The following ANKRD11 variants were observed in gnomAD, a reference collection of about 807,000 sequenced individuals.
ANKRD11 encodes the protein ankyrin repeat domain-containing protein 11.
ANKRD11 carries 17 observed loss-of-function variants against 195.7 expected under a neutral mutation model. The observed-to-expected ratio is 0.09, with a 90% CI of 0.06 to 0.13. ANKRD11 has a LOEUF of 0.13. Among genes scored for constraint, ANKRD11 ranks in the 10% least tolerant of loss-of-function variants. The probability of loss-of-function intolerance (pLI) is 1.00; values close to 1 mark genes in which losing one functional copy is unlikely to be tolerated. For synonymous variants in ANKRD11, 1,953 were observed against 1,528.1 expected, an observed-to-expected ratio of 1.28 and a Z score of -6.49; for missense variants, 3,735 against 3,566.1, an observed-to-expected ratio of 1.05 and a Z score of -1.21.
chr16:89,273,695 C>CAA (rs370480077), intron 11 of ANKRD11, among the ~76,000 whole-genome samples: 1 of 133,366 alleles, frequency 7.5e-6, no homozygotes, highest in African/African-American at 2.7e-5. Context: ...GACTCCGTCA[C>CAA]AAAAAAAAAA....
chr16:89,286,482 C>T (rs754711291), intron 7 of ANKRD11: 31 of 533,322 alleles, frequency 5.8e-5, no homozygotes, highest in Middle Eastern at 5.8e-4. Context: ...ACCATTTCTC[C>T]GTTGCCGCAA....
At chr16:89,487,627 A>T (rs1196074120) in intron 1 of ANKRD11, among the ~76,000 whole-genome samples, 1 of 152,062 alleles carries the variant, frequency 6.6e-6, no homozygotes, top group Non-Finnish European at 1.5e-5. Flanking sequence ...TACAAAAATT[A>T]GCCAGGCGTG....
Position 89,281,461 on chromosome 16 carries a change from C to A in ANKRD11, c.5081G>T (p.Arg1694Met). ...HMKEVLPASP[R>M]PDQSRPTGVP... ...GCCAGTGGGCCGGCTCTGGTCAGGC[C>A]TGGGGGACGCAGGCAGGACCTCTTT... The change falls in exon 9 of 13, where the codon AGG becomes ATG. Residue 1694 changes from arginine (R) to methionine (M), a missense_variant. Coordinates refer to ENST00000301030, the MANE Select transcript of ANKRD11 (RefSeq NM_013275.6). This position sits in a 1 kb window ranked among gnomAD's most constrained non-coding sequence, Gnocchi z 5.5. The A allele has an allele frequency of 1.2e-6, 2 of 1,614,152 alleles. No individual in the cohort carries two copies. Among genetic ancestry groups the A allele is most frequent in the Non-Finnish European group, 1.7e-6 (2 of 1,179,998 alleles).
At chr16:89,319,864 A>T (rs2037198097) in intron 2 of ANKRD11, 1 of 152,580 alleles carries the variant, frequency 6.6e-6, no homozygotes, top group African/African-American at 2.4e-5. Context: ...GTTCTGTTCC[A>T]AGACTTGCCA....
intron 2 of ANKRD11, among the ~76,000 whole-genome samples, chr16:89,335,183 G>T (rs2038284455): frequency 6.6e-6 from 1 of 152,202 alleles, no homozygotes; most frequent in Middle Eastern, 3.2e-3. Flanking sequence ...CAGGAAGTGA[G>T]CTCAGTGCGT....
At chr16:89,314,598 G>A (rs1455835575) in intron 3 of ANKRD11, among the ~76,000 whole-genome samples, 1 of 152,098 alleles carries the variant, frequency 6.6e-6, no homozygotes, top group Non-Finnish European at 1.5e-5. Flanking sequence ...CACTGACACA[G>A]GGCTCCACCA....
intron 1 of ANKRD11, among the ~76,000 whole-genome samples, chr16:89,441,924 C>G (rs1010738917): frequency 1.3e-5 from 2 of 152,158 alleles, no homozygotes; most frequent in African/African-American, 2.4e-5. Flanking sequence ...CCCCCATCAT[C>G]CATGCAAAGA....
rs2034161624 is a variant in ANKRD11, at chr16:89,280,836, G to A, written c.5706C>T (p.Ser1902=). 6.2e-7 allele frequency: 1 copy of A among 1,601,360 alleles called. No homozygotes were observed. The highest frequency in any genetic ancestry group is 8.5e-7 in the Non-Finnish European group (1 of 1,170,402). The change falls in exon 9 of 13, where the codon TCC becomes TCT. Residue 1902 remains serine (S), a synonymous_variant. Transcript: ENST00000301030. ...PSPRAELLVP[S]LEGALPPDLD... Reference sequence around the variant, plus strand: ...GGTCCGGGGGAAGGGCCCCTTCGAGGGAAGGAACCAGCAGCTCGGCTCTGG... The same window carrying A: ...GGTCCGGGGGAAGGGCCCCTTCGAGAGAAGGAACCAGCAGCTCGGCTCTGG...
chr16:89,483,725 A>T (rs554530574), intron 1 of ANKRD11, among the ~76,000 whole-genome samples: 4 of 152,122 alleles, frequency 2.6e-5, no homozygotes, highest in Non-Finnish European at 4.4e-5. Flanking sequence ...CTACTCGGGA[A>T]GATGAGGTAG....
intron 2 of ANKRD11, among the ~76,000 whole-genome samples, chr16:89,408,919 T>G (rs1178927492): frequency 6.6e-6 from 1 of 152,224 alleles, no homozygotes; most frequent in Non-Finnish European, 1.5e-5. Flanking sequence ...TAGGAGTTAC[T>G]GGGAAATACA....
intron 2 of ANKRD11, among the ~76,000 whole-genome samples, chr16:89,368,757 T>A (rs1706576122): frequency 6.6e-6 from 1 of 151,818 alleles, no homozygotes; most frequent in African/African-American, 2.4e-5. Context: ...AATACAAAAA[T>A]TAGTCAGGTG....
chr16:89,303,841 G>T (rs574343968), intron 4 of ANKRD11, among the ~76,000 whole-genome samples: 1 of 152,052 alleles, frequency 6.6e-6, no homozygotes, highest in Non-Finnish European at 1.5e-5. Flanking sequence ...GCCTGCTGCC[G>T]TTCCTCTTCA....
At chr16:89,427,514 G>C (rs1032028688) in intron 1 of ANKRD11, among the ~76,000 whole-genome samples, 3 of 152,184 alleles carry the variant, frequency 2.0e-5, no homozygotes, top group African/African-American at 7.2e-5. Context: ...AAAATGTCTA[G>C]GGGCCGGGGT....
intron 1 of ANKRD11, among the ~76,000 whole-genome samples, chr16:89,480,196 G>T (rs1426960707): frequency 6.6e-6 from 1 of 151,970 alleles, no homozygotes; most frequent in Non-Finnish European, 1.5e-5. Flanking sequence ...TAACTTTTAG[G>T]CCAGGCGTGA....
At chr16:89,453,418 A>G (rs112483583) in intron 1 of ANKRD11, among the ~76,000 whole-genome samples, 1 of 152,186 alleles carries the variant, frequency 6.6e-6, no homozygotes, top group Non-Finnish European at 1.5e-5. Context: ...AGGAATTTCA[A>G]CTAAGTTAAA....
intron 9 of ANKRD11, among the ~76,000 whole-genome samples, chr16:89,275,419 G>A (rs1460948972): frequency 1.3e-5 from 2 of 152,268 alleles, no homozygotes; most frequent in African/African-American, 4.8e-5. Context: ...GCACCACGCA[G>A]TGAGGAGATA....
In ANKRD11 at chr16:89,436,414, C is replaced by CA. The variant is rs35785082; in HGVS notation, c.-144-18047dup. 4.8e-3 allele frequency among the ~76,000 whole-genome samples: 700 copies of CA among 146,972 alleles called. 6 individuals carry two copies. The highest frequency in any genetic ancestry group is 0.016 in the African/African-American group (639 of 39,608). On this transcript the variant is annotated intron_variant, in intron 1 of 12. Coordinates refer to ENST00000301030, the MANE Select transcript of ANKRD11 (RefSeq NM_013275.6). ...TGGGCAACAGAGTGAGACTCGGTCT[C>CA]AAAAAAAAAAAGATAATCCAAGTTT...
intron 1 of ANKRD11, among the ~76,000 whole-genome samples, chr16:89,484,169 C>A (rs1309282129): frequency 6.6e-6 from 1 of 152,154 alleles, no homozygotes; most frequent in East Asian, 1.9e-4. Flanking sequence ...TAGTCAAAAT[C>A]ATTTTTAAAA....
At chr16:89,295,105 CCA>C (rs1272087553) in intron 4 of ANKRD11, among the ~76,000 whole-genome samples, 1 of 152,232 alleles carries the variant, frequency 6.6e-6, no homozygotes, top group Non-Finnish European at 1.5e-5. Context: ...GGCTACAGCA[CCA>C]CAGACAGATG....
Sources: gnomAD v4.1 joint callset for allele counts (sites outside exome capture counted in the v4.1 genomes callset) on GRCh38, gnomAD v4.1.1 for gene constraint, Gnocchi (gnomAD v3.1) non-coding constraint, MANE v1.5 for transcripts, NCBI Gene and HGNC (gene_info 2026-07-23, HGNC 2026-07-21) for gene names.